The following SNX29 variants were observed in gnomAD, a reference collection of about 807,000 sequenced individuals.
SNX29 encodes sorting nexin 29.
SNX29 carries 78 observed loss-of-function variants against 102.1 expected under a neutral mutation model. That is an observed-to-expected ratio of 0.76 (90% CI 0.64 to 0.92). The LOEUF (loss-of-function observed/expected upper bound fraction) is 0.92. Ranked by LOEUF, SNX29 falls within the 40% of genes least tolerant of loss-of-function variation. The pLI is 0.00. For missense variants in SNX29, 1,280 were observed against 1,061.7 expected (o/e 1.21, Z -2.86); for synonymous variants, 580 against 414.5 (o/e 1.40, Z -4.85).
At chr16:12,366,459 A>G (rs1159652971) in intron 16 of SNX29, among the ~76,000 whole-genome samples, 1 of 152,216 alleles carries the variant, frequency 6.6e-6, no homozygotes, top group Non-Finnish European at 1.5e-5. Context: ...AGCTCATCAG[A>G]GCCTGCCTTA....
intron 15 of SNX29, among the ~76,000 whole-genome samples, chr16:12,321,784 G>C (rs1362253708): frequency 1.3e-5 from 2 of 152,172 alleles, no homozygotes; most frequent in Non-Finnish European, 1.5e-5. Context: ...CTAGTTCTCA[G>C]AGGACAAACA....
At position 12,570,875 on chromosome 16, in the gene SNX29, A is replaced by G. The variant is rs1209706333; in HGVS notation, c.*2246A>G. 4 of 231,682 alleles carry G rather than the reference A, an allele frequency of 1.7e-5. No individual in the cohort carries two copies. Among genetic ancestry groups the G allele is most frequent in the Non-Finnish European group, 3.4e-5 (4 of 117,216 alleles). The allele number at this position is 231,682 out of a possible 1,614,324, so 14.4% of individuals were successfully genotyped here. A position where few individuals can be genotyped will look rare whatever the true frequency, so the allele number is the denominator to read the frequency against. On this transcript the variant is annotated 3_prime_UTR_variant, in exon 21 of 21. Coordinates refer to ENST00000566228, the MANE Select transcript of SNX29 (RefSeq NM_032167.5). ...GTGGGAGAAACTGCCTCCTACTTTT[A>G]TAATACTGAATTATTCACAAAAAAC...
chr16:12,569,749 A>C lies in SNX29; in HGVS notation c.*1120A>C, dbSNP rs975000868. 12 of 230,440 alleles carry C rather than the reference A, an allele frequency of 5.2e-5. No homozygotes were observed. The highest frequency in any genetic ancestry group is 2.7e-4 in the African/African-American group (12 of 45,186). 14.3% of individuals were successfully genotyped at this position (230,440 alleles called of 1,614,324 possible). A position where few individuals can be genotyped will look rare whatever the true frequency, so the allele number is the denominator to read the frequency against. On this transcript the variant is annotated 3_prime_UTR_variant, in exon 21 of 21. Transcript: ENST00000566228. Reference sequence around the variant, plus strand: ...GGGCAGCCCCCAGGGCTCCTCCTCCAGTGAGCTCACATCAGAGCACCTCAC... The same window carrying C: ...GGGCAGCCCCCAGGGCTCCTCCTCCCGTGAGCTCACATCAGAGCACCTCAC...
chr16:12,020,315 G>C (rs1164067367), intron 3 of SNX29, among the ~76,000 whole-genome samples: 1 of 151,888 alleles, frequency 6.6e-6, no homozygotes, highest in Admixed American at 6.6e-5. Flanking sequence ...TGTAGAGATA[G>C]GGTTTCAGGC....
At chr16:12,346,380 A>G (rs31677) in intron 15 of SNX29, among the ~76,000 whole-genome samples, 4,186 of 152,270 alleles carry the variant, frequency 0.027, 219 homozygotes, top group African/African-American at 0.095. Flanking sequence ...TTCTTTTATT[A>G]TTTAAACCTC....
At chr16:12,563,725 G>A (rs894445201) in intron 20 of SNX29, among the ~76,000 whole-genome samples, 1 of 152,200 alleles carries the variant, frequency 6.6e-6, no homozygotes, top group Non-Finnish European at 1.5e-5. Context: ...AGCCAGAGAT[G>A]GCACTGTCAT....
At chr16:12,154,731 G>A (rs892226693) in intron 13 of SNX29, among the ~76,000 whole-genome samples, 2 of 152,208 alleles carry the variant, frequency 1.3e-5, no homozygotes, top group Non-Finnish European at 2.9e-5. Context: ...AGATCAAGGT[G>A]CCAGCAGATG....
At chr16:12,170,053 C>G (rs759948667) in intron 13 of SNX29, among the ~76,000 whole-genome samples, 3 of 152,066 alleles carry the variant, frequency 2.0e-5, no homozygotes, top group Non-Finnish European at 2.9e-5. Flanking sequence ...GCTGGATAAT[C>G]CTTTGTAGTG....
intron 20 of SNX29, among the ~76,000 whole-genome samples, chr16:12,563,439 G>A (rs1303494070): frequency 6.6e-6 from 1 of 152,332 alleles, no homozygotes; most frequent in African/African-American, 2.4e-5. Context: ...TATGTCCTTT[G>A]CAGGTAAATT....
At chr16:12,566,838 C>T (rs1167004323) in intron 20 of SNX29, among the ~76,000 whole-genome samples, 1 of 152,178 alleles carries the variant, frequency 6.6e-6, no homozygotes, top group Non-Finnish European at 1.5e-5. Context: ...TGTTCAAGGT[C>T]AAATGTTTCT....
intron 13 of SNX29, among the ~76,000 whole-genome samples, chr16:12,196,393 A>T (rs918464172): frequency 1.2e-4 from 18 of 152,174 alleles, no homozygotes; most frequent in African/African-American, 4.3e-4. Context: ...CCCTACTCAG[A>T]GGCAGGTGTT....
At chr16:12,554,729 C>G (rs1045522842) in intron 20 of SNX29, among the ~76,000 whole-genome samples, 1 of 152,158 alleles carries the variant, frequency 6.6e-6, no homozygotes, top group Non-Finnish European at 1.5e-5. Flanking sequence ...TTCAGTCTTT[C>G]AGTTTGCATT....
intron 13 of SNX29, among the ~76,000 whole-genome samples, chr16:12,160,370 G>A (rs2055733013): frequency 6.6e-6 from 1 of 152,216 alleles, no homozygotes; most frequent in South Asian, 2.1e-4. Context: ...TGGTTACATA[G>A]CAGAGAGGCT....
chr16:11,990,074 CTTTG>C (rs2055789115), intron 1 of SNX29, among the ~76,000 whole-genome samples: 3 of 152,248 alleles, frequency 2.0e-5, no homozygotes, highest in Admixed American at 6.5e-5. Flanking sequence ...GTCTCAGTTC[CTTTG>C]TTTGTTTCAC....
intron 14 of SNX29, among the ~76,000 whole-genome samples, chr16:12,269,682 C>T (rs1199089306): frequency 2.0e-5 from 3 of 152,136 alleles, no homozygotes; most frequent in East Asian, 1.9e-4. Flanking sequence ...ATTGTTAATG[C>T]ATTTCAGATT....
At position 12,386,252 on chromosome 16, in the gene SNX29, G is replaced by A. The variant is rs534015011; in HGVS notation, c.1900-12194G>A. Reference sequence around the variant, plus strand: ...TCCTGGGGCCTCGTGTGCTGGTGCGGCTTCCAGATAATGATAGCCAAGGTC... The same window carrying A: ...TCCTGGGGCCTCGTGTGCTGGTGCGACTTCCAGATAATGATAGCCAAGGTC... On this transcript the variant is annotated intron_variant, in intron 16 of 20. Transcript: ENST00000566228. Among the ~76,000 whole-genome samples, 6 of 152,308 alleles carry A rather than the reference G, an allele frequency of 3.9e-5. No individual in the cohort carries two copies. In the South Asian group the frequency reaches 8.3e-4, roughly 21 times the overall value.
chr16:12,561,585 C>T (rs1257923326), intron 20 of SNX29, among the ~76,000 whole-genome samples: 16 of 152,192 alleles, frequency 1.1e-4, no homozygotes, highest in Admixed American at 1.0e-3. Context: ...TTAATGTCAG[C>T]CGCATGCTGG....
At chr16:12,137,936 AG>A (rs1253683493) in intron 13 of SNX29, among the ~76,000 whole-genome samples, 12 of 152,202 alleles carry the variant, frequency 7.9e-5, no homozygotes, top group African/African-American at 2.7e-4. Context: ...AAAAGCCAGT[AG>A]GCTTCATCCT....
intron 20 of SNX29, among the ~76,000 whole-genome samples, chr16:12,563,273 T>G (rs975272932): frequency 6.6e-6 from 1 of 151,968 alleles, no homozygotes; most frequent in Admixed American, 6.6e-5. Flanking sequence ...CAGAGGAACG[T>G]CGGGTTCTGG....
Sources: gnomAD v4.1 joint callset for allele counts (sites outside exome capture counted in the v4.1 genomes callset) on GRCh38, gnomAD v4.1.1 for gene constraint, MANE v1.5 for transcripts, NCBI Gene and HGNC (gene_info 2026-07-23, HGNC 2026-07-21) for gene names.